The following CCDC146 variants were observed in gnomAD, a reference collection of about 807,000 sequenced individuals.
CCDC146 encodes the protein coiled-coil domain-containing protein 146.
A neutral mutation model predicts 119.3 loss-of-function variants in CCDC146; 92 were observed. The observed-to-expected ratio is 0.77, with a 90% CI of 0.65 to 0.92. The LOEUF is 0.92. Ranked by LOEUF, CCDC146 falls within the 40% of genes least tolerant of loss-of-function variation. CCDC146 has a pLI of 0.00. For missense variants in CCDC146, 1,000 were observed against 1,103.0 expected, an observed-to-expected ratio of 0.91 and a Z score of 1.32; for synonymous variants, 372 against 371.8, an observed-to-expected ratio of 1.00 and a Z score of -0.01.
chr7:77,216,357 C>T (rs560712285), intron 2 of CCDC146, among the ~76,000 whole-genome samples: 30 of 152,170 alleles, frequency 2.0e-4, no homozygotes, highest in African/African-American at 6.3e-4. Context: ...TTTCTAAATG[C>T]GCTTCACACT....
At chr7:77,135,459 G>C (rs1790848534) in intron 1 of CCDC146, among the ~76,000 whole-genome samples, 1 of 151,838 alleles carries the variant, frequency 6.6e-6, no homozygotes. Context: ...AAAAAAAAAA[G>C]AGAGAGAAAG....
chr7:77,252,471 A>G (rs2150503565), intron 4 of CCDC146, among the ~76,000 whole-genome samples: 1 of 152,368 alleles, frequency 6.6e-6, no homozygotes, highest in Middle Eastern at 3.4e-3. Flanking sequence ...TATAATTTTG[A>G]AAATTAAGTG....
chr7:77,156,253 C>A (rs1791178105), intron 1 of CCDC146, among the ~76,000 whole-genome samples: 1 of 152,158 alleles, frequency 6.6e-6, no homozygotes, highest in African/African-American at 2.4e-5. Context: ...CAGAGTTTTG[C>A]TATTTGTGCG....
intron 1 of CCDC146, among the ~76,000 whole-genome samples, chr7:77,149,413 TA>T (rs750461486): frequency 9.9e-5 from 15 of 152,174 alleles, no homozygotes; most frequent in Non-Finnish European, 4.4e-5. Context: ...AAGTATCTAG[TA>T]CAGACAAAAC....
At chr7:77,290,201 T>C (rs150936030) in intron 17 of CCDC146, among the ~76,000 whole-genome samples, 377 of 126,306 alleles carry the variant, frequency 3.0e-3, no homozygotes, top group Admixed American at 7.4e-3. Context: ...TGAGAACACA[T>C]GGACACATGA....
At chr7:77,167,903 T>C in intron 2 of CCDC146, 79 bp downstream of exon 2, 5 of 1,523,730 alleles carry the variant, frequency 3.3e-6, no homozygotes, top group Non-Finnish European at 4.4e-6. Context: ...CCAATATCAT[T>C]ATCAAAATTC....
intron 2 of CCDC146, among the ~76,000 whole-genome samples, chr7:77,231,329 G>A (rs1366722952): frequency 6.6e-6 from 1 of 152,142 alleles, no homozygotes; most frequent in Non-Finnish European, 1.5e-5. Flanking sequence ...AAAAGTGAAA[G>A]TTCTCAATTT....
chr7:77,205,446 A>G (rs1203453737), intron 2 of CCDC146, among the ~76,000 whole-genome samples: 1 of 152,206 alleles, frequency 6.6e-6, no homozygotes, highest in Non-Finnish European at 1.5e-5. Context: ...TTTCTCCGTA[A>G]GACACATCAC....
chr7:77,269,726 A>G (rs1014209468), intron 9 of CCDC146, among the ~76,000 whole-genome samples: 1 of 152,242 alleles, frequency 6.6e-6, no homozygotes, highest in Non-Finnish European at 1.5e-5. Flanking sequence ...TAGAATATAA[A>G]ACTAACAGAA....
chr7:77,275,421 A>G (rs751752692), intron 11 of CCDC146, among the ~76,000 whole-genome samples: 15 of 152,244 alleles, frequency 9.9e-5, no homozygotes, highest in Non-Finnish European at 1.6e-4. Context: ...CCCAAGATTC[A>G]ATTAACAGTA....
intron 2 of CCDC146, among the ~76,000 whole-genome samples, chr7:77,230,591 C>T (rs1190474957): frequency 6.6e-6 from 1 of 151,948 alleles, no homozygotes; most frequent in Non-Finnish European, 1.5e-5. Flanking sequence ...AGAAGTTACT[C>T]TTATGTGATT....
intron 17 of CCDC146, among the ~76,000 whole-genome samples, chr7:77,290,413 G>A (rs1171861737): frequency 5.3e-5 from 8 of 152,050 alleles, no homozygotes; most frequent in Admixed American, 5.2e-4. Flanking sequence ...GAAAAAAAAA[G>A]TGTGCCGTGG....
Position 77,241,726 on chromosome 7 carries a change from C to T in CCDC146, c.275C>T (p.Ala92Val). The T allele has an allele frequency of 6.2e-7, 1 of 1,613,958 alleles. No homozygotes were observed. Among genetic ancestry groups the T allele is most frequent in the African/African-American group, 1.3e-5 (1 of 75,032 alleles). ...TCAGAGGTCCAACTGCTACAGAATG[C>T]CAAACGTTTCACTGAGCAAATACAA... Reference protein sequence around the residue: ...QESEVQLLQNAKRFTEQIQQQ... With the variant: ...QESEVQLLQNVKRFTEQIQQQ... Residue 92 changes from alanine (A) to valine (V), a missense_variant, in exon 4 of 19, where the codon GCC becomes GTC. Coordinates refer to ENST00000285871, the MANE Select transcript of CCDC146 (RefSeq NM_020879.3).
intron 1 of CCDC146, among the ~76,000 whole-genome samples, chr7:77,136,876 A>G (rs900502737): frequency 6.6e-6 from 1 of 152,188 alleles, no homozygotes; most frequent in Non-Finnish European, 1.5e-5. Flanking sequence ...AAATTGAATC[A>G]ACAATGTATA....
chr7:77,217,487 A>T (rs774421404), intron 2 of CCDC146, among the ~76,000 whole-genome samples: 8 of 152,006 alleles, frequency 5.3e-5, no homozygotes, highest in Non-Finnish European at 8.8e-5. Flanking sequence ...TATATGTGGA[A>T]AATGTCAGTC....
At chr7:77,280,722 G>A in intron 14 of CCDC146, 69 bp downstream of exon 14, 1 of 1,062,682 alleles carries the variant, frequency 9.4e-7, no homozygotes, top group South Asian at 1.5e-5. Flanking sequence ...TTTCTATCTA[G>A]ACTTGACAGT....
intron 2 of CCDC146, among the ~76,000 whole-genome samples, chr7:77,206,384 A>G (rs912279365): frequency 2.6e-5 from 4 of 152,156 alleles, no homozygotes; most frequent in Non-Finnish European, 5.9e-5. Context: ...TGGGAGGCCA[A>G]GGCAGGCAGA....
intron 9 of CCDC146, among the ~76,000 whole-genome samples, chr7:77,271,326 C>A (rs895127298): frequency 6.6e-6 from 1 of 151,420 alleles, no homozygotes; most frequent in East Asian, 2.0e-4. Context: ...ATCTTTCTCC[C>A]GTGCTGGACC....
rs188399855 is a variant in CCDC146, at chr7:77,139,301, G to A, written c.-12+16569G>A. ...ATGACTTCAGCTATATGACATTCTG[G>A]AAAAGGCAAAACTGTGGAGACAGTT... On this transcript the variant is annotated intron_variant, in intron 1 of 18. Transcript: ENST00000285871. Among the ~76,000 whole-genome samples, 457 of 152,308 alleles carry A rather than the reference G, an allele frequency of 3.0e-3. 2 individuals are homozygous for A. Among genetic ancestry groups the A allele is most frequent in the Non-Finnish European group, 4.1e-3 (279 of 68,022 alleles).
Sources: allele counts gnomAD v4.1 joint callset (sites outside exome capture counted in the v4.1 genomes callset), GRCh38; gene constraint gnomAD v4.1.1; transcripts MANE v1.5; gene names NCBI Gene and HGNC (gene_info 2026-07-23, HGNC 2026-07-21).